DNAH9: variants seen among roughly 807,000 people sequenced by gnomAD.
The protein encoded by DNAH9 is dynein axonemal heavy chain 9.
A neutral mutation model predicts 471.6 loss-of-function variants in DNAH9; 345 were observed. That is an observed-to-expected ratio of 0.73 (90% CI 0.67 to 0.80). The LOEUF (loss-of-function observed/expected upper bound fraction) is 0.80, where lower values mean the gene tolerates loss of function less well. Among genes scored for constraint, DNAH9 ranks in the 30% least tolerant of loss-of-function variants. The pLI is 0.00. For synonymous variants in DNAH9, 2,093 were observed against 2,123.6 expected, an observed-to-expected ratio of 0.99 and a Z score of 0.40; for missense variants, 5,407 against 5,609.2, an observed-to-expected ratio of 0.96 and a Z score of 1.15.
rs771119765 is a variant in DNAH9 at position 11,636,793 on chromosome 17, G to A, written c.1786+9G>A. 6.2e-7 allele frequency: 1 copy of A among 1,612,968 alleles called. No homozygotes were observed. The highest frequency in any genetic ancestry group is 1.1e-5 in the South Asian group (1 of 90,974). ...GGAGGAAGCAGAACTTGGTAGGCTT[G>A]TTAAAGGGGATTTTGATGGGGACAT... On this transcript the variant is annotated intron_variant, in intron 9 of 68. Coordinates refer to ENST00000262442, the MANE Select transcript of DNAH9 (RefSeq NM_001372.4).
intron 1 of DNAH9, among the ~76,000 whole-genome samples, chr17:11,601,951 A>G (rs1439862599): frequency 1.3e-5 from 2 of 152,190 alleles, no homozygotes; most frequent in Non-Finnish European, 2.9e-5. Flanking sequence ...TTTTTGTTCC[A>G]TTCTACGAGT....
chr17:11,938,486 C>T (rs899134322), intron 66 of DNAH9, among the ~76,000 whole-genome samples: 4 of 151,330 alleles, frequency 2.6e-5, no homozygotes, highest in African/African-American at 9.7e-5. Context: ...AAGAATGGGC[C>T]ACCAAAGGGA....
rs190733658 is a variant in DNAH9, at chr17:11,937,870, C to A, written c.12660+348C>A. Among the ~76,000 whole-genome samples the A allele has an allele frequency of 2.0e-5, 3 of 152,148 alleles. No homozygotes were observed. The highest frequency in any genetic ancestry group is 7.2e-5 in the African/African-American group (3 of 41,420). ...AACCTTGAATGTGACTTCTTGATCCCCTGGCAAACCAAGCAAGGATGGGTA... is the reference window on the plus strand; with the variant it reads ...AACCTTGAATGTGACTTCTTGATCCACTGGCAAACCAAGCAAGGATGGGTA... On this transcript the variant is annotated intron_variant, in intron 66 of 68. Coordinates refer to ENST00000262442, the MANE Select transcript of DNAH9 (RefSeq NM_001372.4). The surrounding 1 kb of genome is among the most constrained non-coding windows in gnomAD (Gnocchi z 4.1).
chr17:11,693,094 T>C (rs375905336), intron 20 of DNAH9, among the ~76,000 whole-genome samples: 10 of 147,196 alleles, frequency 6.8e-5, no homozygotes, highest in African/African-American at 2.5e-4. Flanking sequence ...TTTGTATCTT[T>C]AGTAGAGACG....
chr17:11,886,988 T>C, intron 57 of DNAH9, 23 bp downstream of exon 57: 1 of 1,602,392 alleles, frequency 6.2e-7, no homozygotes, highest in Non-Finnish European at 8.5e-7. Flanking sequence ...TGGAGTTTCT[T>C]GCCTGATTAT....
Position 11,886,979 on chromosome 17 carries a change from G to A in DNAH9, c.11112+14G>A. ...TTTTCTCTCAAGGTGACTTACACCT[G>A]GAGTTTCTTGCCTGATTATAATAAA... On this transcript the variant is annotated intron_variant, in intron 57 of 68. Transcript: ENST00000262442. The A allele has an allele frequency of 6.2e-7, 1 of 1,604,094 alleles. No homozygotes were observed. Among genetic ancestry groups the A allele is most frequent in the Non-Finnish European group, 8.5e-7 (1 of 1,175,202 alleles).
chr17:11,621,793 G>C (rs2072872693), intron 6 of DNAH9, among the ~76,000 whole-genome samples: 1 of 152,060 alleles, frequency 6.6e-6, no homozygotes, highest in East Asian at 1.9e-4. Flanking sequence ...TCAGAAAAGT[G>C]AGATTGGGCT....
chr17:11,924,093 C>A (rs562221841), intron 62 of DNAH9, 152 bp downstream of exon 62: 2 of 1,194,842 alleles, frequency 1.7e-6, no homozygotes, highest in Non-Finnish European at 2.3e-6. Context: ...TTCCAGTTCT[C>A]CTCACTCATA....
intron 14 of DNAH9, among the ~76,000 whole-genome samples, chr17:11,656,279 C>T (rs951288797): frequency 2.0e-5 from 3 of 152,098 alleles, no homozygotes; most frequent in African/African-American, 7.2e-5. Flanking sequence ...GGTGGTATTG[C>T]ATTGTGGTTT....
At chr17:11,807,204 G>C (rs1969722133) in intron 43 of DNAH9, among the ~76,000 whole-genome samples, 1 of 152,212 alleles carries the variant, frequency 6.6e-6, no homozygotes, top group Non-Finnish European at 1.5e-5. Context: ...AAGGGAGACA[G>C]AAGAGTTCTG....
At chr17:11,755,714 G>A (rs1398940720) in intron 33 of DNAH9, among the ~76,000 whole-genome samples, 2 of 151,178 alleles carry the variant, frequency 1.3e-5, no homozygotes, top group Admixed American at 6.6e-5. Context: ...ACACACAGGG[G>A]TGGTGGTGGA....
chr17:11,831,401 A>G (rs921638692), intron 48 of DNAH9, among the ~76,000 whole-genome samples: 1 of 152,118 alleles, frequency 6.6e-6, no homozygotes, highest in East Asian at 1.9e-4. Flanking sequence ...GGGAACTAAT[A>G]AAGTGAGAAC....
rs887428294 is a variant in DNAH9 at position 11,822,472 on chromosome 17, TAA to T, written c.8886_8887del (p.Arg2963SerfsTer41). On this transcript the variant is annotated frameshift_variant, in exon 47 of 69. Transcript: ENST00000262442. LOFTEE classifies it high-confidence loss of function. ...TGTTTCTCCCCTGTGGGAAACAAGC[TAA>T]GAGTCCGCAGCAGGAAGTTCCCAGC... The T allele has an allele frequency of 6.2e-7, 1 of 1,614,028 alleles. No homozygotes were observed.
At chr17:11,951,449 A>C (rs1597867850) in intron 67 of DNAH9, among the ~76,000 whole-genome samples, 1 of 151,112 alleles carries the variant, frequency 6.6e-6, no homozygotes, top group East Asian at 2.0e-4. Context: ...GGGAGGCCCA[A>C]GTGGGTGGAT....
chr17:11,778,063 C>A (rs1212631700), intron 38 of DNAH9, among the ~76,000 whole-genome samples: 3 of 151,804 alleles, frequency 2.0e-5, no homozygotes, highest in Non-Finnish European at 4.4e-5. Context: ...CCAGGGAAGA[C>A]CTTACTGGAA....
chr17:11,881,205 C>A lies in DNAH9; in HGVS notation c.10602-4C>A. 3 of 1,614,110 alleles carry A rather than the reference C, an allele frequency of 1.9e-6. No individual in the cohort carries two copies. In the South Asian group the frequency reaches 3.3e-5, roughly 18 times the overall value. On this transcript the variant is annotated splice_region_variant and splice_polypyrimidine_tract_variant and intron_variant, in intron 54 of 68. Transcript: ENST00000262442. Reference sequence around the variant, plus strand: ...TTACCTTCACATGAGCCTTTATGTTCCAGATTCATTAAAATTGGAGACAAA... The same window carrying A: ...TTACCTTCACATGAGCCTTTATGTTACAGATTCATTAAAATTGGAGACAAA...
intron 31 of DNAH9, among the ~76,000 whole-genome samples, chr17:11,745,393 A>T (rs2075506978): frequency 6.6e-6 from 1 of 152,208 alleles, no homozygotes; most frequent in African/African-American, 2.4e-5. Context: ...AGAGGCCAAG[A>T]TCTGGCCACA....
chr17:11,816,981 C>A (rs1353997546), intron 45 of DNAH9, among the ~76,000 whole-genome samples: 1 of 152,032 alleles, frequency 6.6e-6, no homozygotes, highest in African/African-American at 2.4e-5. Context: ...ATGGCGTGAA[C>A]CCAGGAGGCA....
chr17:11,802,447 G>A (rs374823448), intron 43 of DNAH9, among the ~76,000 whole-genome samples: 7 of 152,120 alleles, frequency 4.6e-5, no homozygotes, highest in Middle Eastern at 3.4e-3. Flanking sequence ...TGGCCAACAC[G>A]GTGAAACCCC....
Sources: allele counts gnomAD v4.1 joint callset (sites outside exome capture counted in the v4.1 genomes callset), GRCh38; gene constraint gnomAD v4.1.1; non-coding constraint Gnocchi (gnomAD v3.1); transcripts MANE v1.5; gene names NCBI Gene and HGNC (gene_info 2026-07-23, HGNC 2026-07-21).